CRYBG1: variants seen among roughly 807,000 people sequenced by gnomAD.
CRYBG1 encodes the protein crystallin beta-gamma domain containing 1.
A neutral mutation model predicts 189.2 loss-of-function variants in CRYBG1; 139 were observed. The ratio of observed to expected loss-of-function variants is 0.73; its 90% confidence interval spans 0.64 to 0.85. The LOEUF (loss-of-function observed/expected upper bound fraction) is 0.85, where lower values mean the gene tolerates loss of function less well. Ranked by LOEUF, CRYBG1 falls within the 40% of genes least tolerant of loss-of-function variation. CRYBG1 has a pLI of 0.00. For missense variants in CRYBG1, 2,611 were observed against 2,675.8 expected, an observed-to-expected ratio of 0.98 and a Z score of 0.53; for synonymous variants, 1,023 against 1,017.1, an observed-to-expected ratio of 1.01 and a Z score of -0.11.
Position 106,519,476 on chromosome 6 carries a change from G to A in CRYBG1, c.2268G>A (p.Ser756=), listed in dbSNP as rs762915013. 19 of 1,614,012 alleles carry A rather than the reference G, an allele frequency of 1.2e-5. No individual in the cohort carries two copies. Among genetic ancestry groups the A allele is most frequent in the South Asian group, 4.4e-5 (4 of 91,072 alleles). Reference sequence around the variant, plus strand: ...CTATAGAAACCAAAGTTACCGTCTCGGAAGAAGAGATTCTGCCAGCAACCA... The same window carrying A: ...CTATAGAAACCAAAGTTACCGTCTCAGAAGAAGAGATTCTGCCAGCAACCA... The part of the protein sequence containing the change: ...ETAIETKVTV[S]EEEILPATRG... The change falls in exon 4 of 22, where the codon TCG becomes TCA. Residue 756 remains serine (S), a synonymous_variant. Coordinates refer to ENST00000633556, the MANE Select transcript of CRYBG1 (RefSeq NM_001371242.2).
chr6:106,536,581 T>C (rs1424999397), intron 8 of CRYBG1, among the ~76,000 whole-genome samples: 1 of 152,252 alleles, frequency 6.6e-6, no homozygotes, highest in Non-Finnish European at 1.5e-5. Context: ...AAGATAAGAC[T>C]GATTTTTCTT....
chr6:106,483,401 T>TATATATATATA, intron 2 of CRYBG1, among the ~76,000 whole-genome samples: 91 of 95,300 alleles, frequency 9.5e-4, no homozygotes, highest in South Asian at 1.7e-3. Flanking sequence ...GATATATATA[T>TATATATATATA]AAAACATTTT....
At chr6:106,397,216 C>A (rs953097762) in intron 1 of CRYBG1, among the ~76,000 whole-genome samples, 1 of 152,070 alleles carries the variant, frequency 6.6e-6, no homozygotes, top group Non-Finnish European at 1.5e-5. Flanking sequence ...AAATGATTAC[C>A]GCAATCAAAC....
chr6:106,435,689 C>T (rs891846250), intron 1 of CRYBG1, among the ~76,000 whole-genome samples: 42 of 152,108 alleles, frequency 2.8e-4, no homozygotes, highest in African/African-American at 9.2e-4. Flanking sequence ...GCAACCTCCA[C>T]CTCCAGGAGT....
intron 1 of CRYBG1, among the ~76,000 whole-genome samples, chr6:106,379,037 C>A (rs1770234362): frequency 6.6e-6 from 1 of 151,938 alleles, no homozygotes; most frequent in Non-Finnish European, 1.5e-5. Context: ...GTCCCAGCTA[C>A]TTTGCTGAGA....
At chr6:106,514,859 A>G (rs1773381986) in intron 3 of CRYBG1, among the ~76,000 whole-genome samples, 3 of 152,360 alleles carry the variant, frequency 2.0e-5, no homozygotes, top group Non-Finnish European at 2.9e-5. Context: ...CAGACATTCA[A>G]TGTATTTGTT....
chr6:106,407,357 C>A (rs1770846167), intron 1 of CRYBG1, among the ~76,000 whole-genome samples: 1 of 151,586 alleles, frequency 6.6e-6, no homozygotes, highest in African/African-American at 2.4e-5. Flanking sequence ...ATATATGCAC[C>A]CAATACAGGA....
chr6:106,464,028 G>C (rs1459854634), intron 2 of CRYBG1, among the ~76,000 whole-genome samples: 1 of 152,212 alleles, frequency 6.6e-6, no homozygotes, highest in Non-Finnish European at 1.5e-5. Context: ...AGGACAAATG[G>C]ACAACTGTAA....
chr6:106,392,630 A>T (rs1170309201), intron 1 of CRYBG1, among the ~76,000 whole-genome samples: 4 of 152,244 alleles, frequency 2.6e-5, no homozygotes, highest in Non-Finnish European at 5.9e-5. Context: ...ATCTAAGATT[A>T]AATTTTTCTC....
chr6:106,522,119 G>A (rs61049553), intron 4 of CRYBG1, among the ~76,000 whole-genome samples: 1 of 152,138 alleles, frequency 6.6e-6, no homozygotes, highest in African/African-American at 2.4e-5. Context: ...AGACAGATGA[G>A]TTGCTTTTTC....
At chr6:106,364,621 C>G (rs562041177) in intron 1 of CRYBG1, among the ~76,000 whole-genome samples, 1 of 152,306 alleles carries the variant, frequency 6.6e-6, no homozygotes, top group South Asian at 2.1e-4. Context: ...CCATAATTCT[C>G]TTGCCATTAG....
intron 1 of CRYBG1, among the ~76,000 whole-genome samples, chr6:106,383,426 G>A (rs1770325051): frequency 6.6e-6 from 1 of 152,144 alleles, no homozygotes. Flanking sequence ...CTAGTTTAAT[G>A]TTCATAAATG....
chr6:106,377,035 T>C (rs1770177608), intron 1 of CRYBG1, among the ~76,000 whole-genome samples: 2 of 152,200 alleles, frequency 1.3e-5, no homozygotes, highest in South Asian at 4.1e-4. Flanking sequence ...ATTGAACACC[T>C]GTGCTTAAAA....
intron 2 of CRYBG1, 135 bp downstream of exon 2, chr6:106,451,967 A>C: frequency 2.7e-6 from 1 of 367,352 alleles, no homozygotes; most frequent in Non-Finnish European, 4.2e-6. Flanking sequence ...TATATATATC[A>C]TATGTAATAT....
intron 21 of CRYBG1, 83 bp downstream of exon 21, chr6:106,564,009 T>C: frequency 1.4e-6 from 2 of 1,394,626 alleles, no homozygotes; most frequent in Non-Finnish European, 2.0e-6. Context: ...CTTTTGAAAA[T>C]GATGAATGTA....
In CRYBG1 at chr6:106,519,259, T is replaced by G; in HGVS notation, c.2051T>G (p.Phe684Cys). ...AACACTGCCACCAAAATCTCCTTAT[T>G]TGAAAACAAACGGACAAACAGTAGC... ...KGNTATKISLFENKRTNSSPR... is the reference protein window; with the variant it reads ...KGNTATKISLCENKRTNSSPR... The change falls in exon 4 of 22, where the codon TTT becomes TGT. Residue 684 changes from phenylalanine to cysteine, a missense_variant. Physicochemically the swap from Phe to Cys is radical, Grantham distance 205. Coordinates refer to ENST00000633556, the MANE Select transcript of CRYBG1 (RefSeq NM_001371242.2). 1.2e-6 allele frequency: 2 copies of G among 1,614,040 alleles called. No homozygotes were observed. Among genetic ancestry groups the G allele is most frequent in the Admixed American group, 3.3e-5 (2 of 59,988 alleles).
chr6:106,416,552 G>A (rs939180483), intron 1 of CRYBG1, among the ~76,000 whole-genome samples: 2 of 152,160 alleles, frequency 1.3e-5, no homozygotes, highest in Non-Finnish European at 2.9e-5. Flanking sequence ...AGATTTTTCC[G>A]ATATCTTACT....
intron 1 of CRYBG1, among the ~76,000 whole-genome samples, chr6:106,440,757 G>C (rs76599348): frequency 1.3e-5 from 2 of 152,272 alleles, no homozygotes; most frequent in African/African-American, 4.8e-5. Context: ...CAAAAGCTCT[G>C]TAAAGTCATG....
At chr6:106,517,731 AT>A (rs141468809) in intron 3 of CRYBG1, among the ~76,000 whole-genome samples, 2,385 of 151,870 alleles carry the variant, frequency 0.016, 56 homozygotes, top group African/African-American at 0.055. Context: ...AAACCATCTC[AT>A]TTTTTTTAAA....
Sources: allele counts gnomAD v4.1 joint callset (sites outside exome capture counted in the v4.1 genomes callset), GRCh38; gene constraint gnomAD v4.1.1; transcripts MANE v1.5; gene names NCBI Gene and HGNC (gene_info 2026-07-23, HGNC 2026-07-21).